TMEM135: variants seen among roughly 807,000 people sequenced by gnomAD.
The protein encoded by TMEM135 is peroxisomal membrane protein 52.
TMEM135 carries 30 observed loss-of-function variants against 60.3 expected under a neutral mutation model. The observed-to-expected ratio is 0.50, with a 90% confidence interval of 0.37 to 0.68. The LOEUF (loss-of-function observed/expected upper bound fraction) is 0.68. Ranked by LOEUF, TMEM135 falls within the 30% of genes least tolerant of loss-of-function variation. The pLI is 0.00. For missense variants in TMEM135, 468 were observed against 548.8 expected (o/e 0.85, Z 1.47); for synonymous variants, 190 against 186.7 (o/e 1.02, Z -0.14).
chr11:87,159,114 G>A (rs1938790172), intron 5 of TMEM135, among the ~76,000 whole-genome samples: 1 of 152,040 alleles, frequency 6.6e-6, no homozygotes, highest in African/African-American at 2.4e-5. Context: ...AAAATAGCTG[G>A]CTTTTGATCA....
At chr11:87,148,405 G>A (rs891980460) in intron 4 of TMEM135, among the ~76,000 whole-genome samples, 7 of 152,140 alleles carry the variant, frequency 4.6e-5, no homozygotes, top group African/African-American at 1.7e-4. Flanking sequence ...AAATGTTGGT[G>A]GGAAGAGCTG....
At position 87,067,720 on chromosome 11, in the gene TMEM135, A is replaced by T; in HGVS notation, c.168A>T (p.Lys56Asn). ...TTGCAGCAATTCTCCGGAAACGGAA[A>T]TTAGACTATTATTTACACAAACTAC... is the stretch of plus-strand genomic sequence containing the variant. ...YLIAAILRKR[K>N]LDYYLHKLLP... The change falls in exon 2 of 15, where the codon AAA (lysine) becomes AAT (asparagine). Residue 56 changes from lysine (K) to asparagine (N), a missense_variant. Coordinates refer to ENST00000305494, the MANE Select transcript of TMEM135 (RefSeq NM_022918.4). 1 of 1,613,918 alleles carries T rather than the reference A, an allele frequency of 6.2e-7. No individual in the cohort carries two copies. The highest frequency in any genetic ancestry group is 8.5e-7 in the Non-Finnish European group (1 of 1,179,910).
Position 87,327,751 on chromosome 11 carries a change from C to CT in TMEM135, c.*6419dup, listed in dbSNP as rs1474819386. 2.2e-6 allele frequency: 1 copy of CT among 454,002 alleles called. No homozygotes were observed. The highest frequency in any genetic ancestry group is 2.4e-5 in the Admixed American group (1 of 42,550). The allele number at this position is 454,002 out of a possible 1,614,324, so 28.1% of individuals were successfully genotyped here. Reference sequence around the variant, plus strand: ...TCAGTCCAAGGCTGAATTTTCAAGTCTGAGAACCTGGGGGTGGGATGGGGG... The same window carrying CT: ...TCAGTCCAAGGCTGAATTTTCAAGTCTTGAGAACCTGGGGGTGGGATGGGGG... On this transcript the variant is annotated 3_prime_UTR_variant, in exon 15 of 15. Transcript: ENST00000305494.
chr11:87,293,455 G>T (rs761996191), intron 6 of TMEM135, among the ~76,000 whole-genome samples: 1 of 151,550 alleles, frequency 6.6e-6, no homozygotes, highest in Non-Finnish European at 1.5e-5. Flanking sequence ...ATACGTATAC[G>T]TGTGCCATGG....
At chr11:87,260,409 C>G (rs1317113072) in intron 6 of TMEM135, among the ~76,000 whole-genome samples, 1 of 152,172 alleles carries the variant, frequency 6.6e-6, no homozygotes, top group African/African-American at 2.4e-5. Context: ...CCACCAGCAA[C>G]TTCTACTGAT....
At position 87,152,635 on chromosome 11, in the gene TMEM135, CGCCATGTCGG is replaced by C. The variant is rs559918970; in HGVS notation, c.397-4705_397-4696del. Among the ~76,000 whole-genome samples the C allele has an allele frequency of 1.6e-3, 236 of 152,092 alleles. 4 individuals carry two copies. The East Asian group carries it at 0.041, about 27-fold the overall frequency. ...TTGTATTTTTAGTAGAGACGGGTTT[CGCCATGTCGG>C]TCAGGCTGGTCTCCAACTCCTGACC... On this transcript the variant is annotated intron_variant, in intron 4 of 14. Transcript: ENST00000305494.
rs1472361300 is a variant in TMEM135 at position 87,327,502 on chromosome 11, G to T, written c.*6169G>T. The T allele has an allele frequency of 4.4e-6, 2 of 453,882 alleles. No homozygotes were observed. The highest frequency in any genetic ancestry group is 1.4e-4 in the East Asian group (2 of 14,376). The allele number at this position is 453,882 out of a possible 1,614,324, so 28.1% of individuals were successfully genotyped here. A position where few individuals can be genotyped will look rare whatever the true frequency, so the allele number is the denominator to read the frequency against. On this transcript the variant is annotated 3_prime_UTR_variant, in exon 15 of 15. Transcript: ENST00000305494. ...GTATCAGTCAGGGTTTCCCAGAGAGGCAGAACAATAGGGATAGAGAGATAC... is the reference window on the plus strand; with the variant it reads ...GTATCAGTCAGGGTTTCCCAGAGAGTCAGAACAATAGGGATAGAGAGATAC...
At chr11:87,077,451 A>C (rs1856897957) in intron 3 of TMEM135, among the ~76,000 whole-genome samples, 1 of 152,154 alleles carries the variant, frequency 6.6e-6, no homozygotes, top group Admixed American at 6.5e-5. Flanking sequence ...GACATGGTTT[A>C]TCTCTCCATT....
At chr11:87,155,432 A>G (rs1333138166) in intron 4 of TMEM135, among the ~76,000 whole-genome samples, 2 of 152,130 alleles carry the variant, frequency 1.3e-5, no homozygotes, top group Non-Finnish European at 2.9e-5. Flanking sequence ...TATGTCTTTG[A>G]TCCATTTTGA....
intron 6 of TMEM135, among the ~76,000 whole-genome samples, chr11:87,294,677 C>T (rs1942319468): frequency 6.6e-6 from 1 of 152,210 alleles, no homozygotes; most frequent in Non-Finnish European, 1.5e-5. Context: ...GCCACTACAC[C>T]CGGCCTAGGC....
At chr11:87,056,026 C>A (rs1949891337) in intron 1 of TMEM135, among the ~76,000 whole-genome samples, 1 of 152,094 alleles carries the variant, frequency 6.6e-6, no homozygotes, top group Non-Finnish European at 1.5e-5. Context: ...GGGAACGCGT[C>A]CACCCTAGGT....
At chr11:87,185,838 T>A (rs934735477) in intron 5 of TMEM135, among the ~76,000 whole-genome samples, 7 of 152,154 alleles carry the variant, frequency 4.6e-5, no homozygotes, top group Non-Finnish European at 7.4e-5. Context: ...TGAGTAATGA[T>A]GTTTTATAAA....
intron 4 of TMEM135, among the ~76,000 whole-genome samples, chr11:87,134,241 G>A (rs1199851947): frequency 3.3e-5 from 5 of 152,074 alleles, no homozygotes; most frequent in South Asian, 2.1e-4. Flanking sequence ...TTTTCTGTCC[G>A]TGTGCCTGTG....
chr11:87,279,231 G>GA (rs1942018256), intron 6 of TMEM135, among the ~76,000 whole-genome samples: 2 of 152,050 alleles, frequency 1.3e-5, no homozygotes, highest in Admixed American at 6.5e-5. Context: ...TTTGGAGGAA[G>GA]GCCTGTAGTG....
intron 3 of TMEM135, among the ~76,000 whole-genome samples, chr11:87,071,958 G>A (rs886206140): frequency 2.6e-5 from 4 of 152,176 alleles, no homozygotes; most frequent in African/African-American, 4.8e-5. Flanking sequence ...AGGCTGAGGC[G>A]GGTGGCTCAC....
chr11:87,061,338 A>G (rs796296314), intron 1 of TMEM135, among the ~76,000 whole-genome samples: 21 of 152,320 alleles, frequency 1.4e-4, no homozygotes, highest in African/African-American at 5.0e-4. Context: ...TAGAAAGTAG[A>G]GGGCAGGGAT....
chr11:87,175,242 T>C (rs1939339228), intron 5 of TMEM135, among the ~76,000 whole-genome samples: 1 of 152,218 alleles, frequency 6.6e-6, no homozygotes, highest in Admixed American at 6.5e-5. Flanking sequence ...CAGAATCACA[T>C]CATAAAACAT....
chr11:87,059,408 G>T (rs542010974), intron 1 of TMEM135, among the ~76,000 whole-genome samples: 1 of 150,032 alleles, frequency 6.7e-6, no homozygotes, highest in Non-Finnish European at 1.5e-5. Flanking sequence ...AGATTCAAGC[G>T]ATTCTCCTGT....
chr11:87,054,264 A>G (rs1487811318), intron 1 of TMEM135, among the ~76,000 whole-genome samples: 1 of 151,856 alleles, frequency 6.6e-6, no homozygotes, highest in Non-Finnish European at 1.5e-5. Flanking sequence ...GTGAAACCCC[A>G]TCTTCACTAA....
Sources: allele counts gnomAD v4.1 joint callset (sites outside exome capture counted in the v4.1 genomes callset), GRCh38; gene constraint gnomAD v4.1.1; transcripts MANE v1.5; gene names NCBI Gene and HGNC (gene_info 2026-07-23, HGNC 2026-07-21).